The following MRPL38 variants were observed in gnomAD, a reference collection of about 807,000 sequenced individuals.
MRPL38 encodes the protein large ribosomal subunit protein mL38.
Under a neutral mutation model 52.1 loss-of-function variants are expected in MRPL38, and 51 were observed. That is an observed-to-expected ratio of 0.98 (90% CI 0.78 to 1.24). The LOEUF is 1.24. Ranked by LOEUF, MRPL38 falls within the 50% of genes most tolerant of loss-of-function variation. MRPL38 has a pLI of 0.00. For missense variants in MRPL38, 527 were observed against 518.6 expected (o/e 1.02, Z -0.16); for synonymous variants, 245 against 212.7 (o/e 1.15, Z -1.32).
In MRPL38 at chr17:75,901,272, G is replaced by A. The variant is rs1240243463; in HGVS notation, c.593C>T (p.Ala198Val). 1 of 1,613,002 alleles carries A rather than the reference G, an allele frequency of 6.2e-7. No homozygotes were observed. Among genetic ancestry groups the A allele is most frequent in the South Asian group, 1.1e-5 (1 of 90,826 alleles). Residue 198 changes from alanine (A) to valine (V), a missense_variant and splice_region_variant, in exon 5 of 9, where the codon GCT becomes GTT. Physicochemically the swap from Ala to Val is moderately conservative, Grantham distance 64. Coordinates refer to ENST00000309352, the MANE Select transcript of MRPL38 (RefSeq NM_032478.4). The surrounding 1 kb of genome is among the most constrained non-coding windows in gnomAD (Gnocchi z 5.7). The part of the protein sequence containing the change: ...YCGNEVTPTE[A>V]AQAPEVTYEA... ...ATAGGTCACCTCTGGCGCTTGGGCAGCCTGGCAGGGTGAGAAGGAAGCTGT... is the reference window on the plus strand; with the variant it reads ...ATAGGTCACCTCTGGCGCTTGGGCAACCTGGCAGGGTGAGAAGGAAGCTGT...
rs199904131 is a variant in MRPL38 at position 75,901,228 on chromosome 17, A to G, written c.637T>C (p.Leu213=). The G allele has an allele frequency of 8.4e-4, 1,355 of 1,613,662 alleles. 14 individuals are homozygous for G. The East Asian group carries it at 8.8e-3, about 10-fold the overall frequency. Residue 213 remains leucine (L), a synonymous_variant, in exon 5 of 9, where the codon TTG becomes CTG. Coordinates refer to ENST00000309352, the MANE Select transcript of MRPL38 (RefSeq NM_032478.4). This position sits in a 1 kb window ranked among gnomAD's most constrained non-coding sequence, Gnocchi z 5.7. The stretch of plus-strand genomic sequence containing the variant: ...AAGCTAGTGAGTAGCAACGTCCACA[A>G]GGAGCCCTCTTCTGCCTCATAGGTC... The part of the protein sequence containing the change: ...EVTYEAEEGS[L]WTLLLTSLDG...
Position 75,901,303 on chromosome 17 carries a change from C to T in MRPL38, c.592-30G>A, listed in dbSNP as rs1347413497. ...CAGGGTGAGAAGGAAGCTGTCAGCC[C>T]CACCAGGGACAGGCCAGCTGTTGCA... On this transcript the variant is annotated intron_variant, in intron 4 of 8. Coordinates refer to ENST00000309352, the MANE Select transcript of MRPL38 (RefSeq NM_032478.4). This position sits in a 1 kb window ranked among gnomAD's most constrained non-coding sequence, Gnocchi z 5.7. 14 of 1,607,392 alleles carry T rather than the reference C, an allele frequency of 8.7e-6. No individual in the cohort carries two copies. Among genetic ancestry groups the T allele is most frequent in the Non-Finnish European group, 1.1e-5 (13 of 1,176,314 alleles).
intron 1 of MRPL38, 39 bp downstream of exon 1, chr17:75,904,770 G>GGGGGGCCGCCCCCCC: frequency 2.0e-6 from 1 of 500,008 alleles, no homozygotes; most frequent in Non-Finnish European, 2.8e-6. Context: ...TCGGGCGACA[G>GGGGGGCCGCCCCCCC]CCCCCCCCCC....
In MRPL38 at chr17:75,899,149, G is replaced by A. The variant is rs377617119; in HGVS notation, c.1006+9C>T. 1.4e-5 allele frequency: 23 copies of A among 1,597,814 alleles called. No individual in the cohort carries two copies. The African/African-American group carries it at 1.7e-4, about 12-fold the overall frequency. On this transcript the variant is annotated intron_variant, in intron 8 of 8. Transcript: ENST00000309352. ...GGCCCACCCAGTGCCCCAGCCCCATGGCCCTTACCCAGAAGCTGGTGGAAG... is the reference window on the plus strand; with the variant it reads ...GGCCCACCCAGTGCCCCAGCCCCATAGCCCTTACCCAGAAGCTGGTGGAAG...
chr17:75,904,567 A>G lies in MRPL38; in HGVS notation c.220T>C (p.Tyr74His). Residue 74 changes from tyrosine (Y) to histidine (H), a missense_variant, in exon 2 of 9, where the codon TAC becomes CAC. Tyr to His is a moderately conservative substitution (Grantham distance 83, BLOSUM62 2). Transcript: ENST00000309352. ...EAQAPHWWRT[Y>H]REYFGEKTDP... ...GTCTTCTCCCCGAAATACTCTCGGT[A>G]GGTCCGCCACCAGTGCGGGGCCTGC... 6.4e-7 allele frequency: 1 copy of G among 1,570,582 alleles called. No homozygotes were observed. The highest frequency in any genetic ancestry group is 1.9e-5 in the Admixed American group (1 of 52,030).
rs1190941876 is a variant in MRPL38 at position 75,904,649 on chromosome 17, C to T, written c.138G>A (p.Glu46=). 3 of 1,598,308 alleles carry T rather than the reference C, an allele frequency of 1.9e-6. No individual in the cohort carries two copies. The highest frequency in any genetic ancestry group is 2.2e-5 in the East Asian group (1 of 44,802). ...PNSDIDLSNL[E]RLEKYRSFDR... is the part of the protein sequence containing the mutation. ...CGAAGCTCCGGTACTTCTCCAGCCG[C>T]TCCAGGTTGCTCAAGTCGATGTCAC... The change falls in exon 2 of 9, where the codon GAG becomes GAA. Residue 46 remains glutamate, a synonymous_variant. Transcript: ENST00000309352.
chr17:75,904,770 G>GGGCCCCCCCCCCCCC, intron 1 of MRPL38, 39 bp downstream of exon 1: 1 of 500,006 alleles, frequency 2.0e-6, no homozygotes, highest in African/African-American at 5.2e-5. Context: ...TCGGGCGACA[G>GGGCCCCCCCCCCCCC]CCCCCCCCCC....
At chr17:75,903,448 GC>G (rs1769340675) in intron 2 of MRPL38, among the ~76,000 whole-genome samples, 4 of 152,086 alleles carry the variant, frequency 2.6e-5, no homozygotes, top group Admixed American at 1.3e-4. Flanking sequence ...AACATACTGA[GC>G]CCTCATCAGA....
chr17:75,901,955 TG>T lies in MRPL38; in HGVS notation c.383-36del, dbSNP rs369805971. ...AATAAGGCCAGTTGGGATACGGGGG[TG>T]GGGGGGGCAGGGACACACCCTGTAC... On this transcript the variant is annotated intron_variant, in intron 3 of 8. Coordinates refer to ENST00000309352, the MANE Select transcript of MRPL38 (RefSeq NM_032478.4). The surrounding 1 kb of genome is among the most constrained non-coding windows in gnomAD (Gnocchi z 5.7). 8.2e-5 allele frequency: 50 copies of T among 608,790 alleles called. No individual in the cohort carries two copies. In the Middle Eastern group the frequency reaches 8.7e-4, roughly 11 times the overall value. 37.7% of individuals were successfully genotyped at this position (608,790 alleles called of 1,614,324 possible).
Position 75,901,144 on chromosome 17 carries a change from GC to G in MRPL38, c.664+56del. On this transcript the variant is annotated intron_variant, in intron 5 of 8. Transcript: ENST00000309352. This position sits in a 1 kb window ranked among gnomAD's most constrained non-coding sequence, Gnocchi z 5.7. Reference sequence around the variant, plus strand: ...CTGGCCCCTCCCCCAGCCCCCCAGGGCCCTGGCTCATAGGAGGTGAGCGGGG... The same window carrying G: ...CTGGCCCCTCCCCCAGCCCCCCAGGGCCTGGCTCATAGGAGGTGAGCGGGG... 6.2e-7 allele frequency: 1 copy of G among 1,606,058 alleles called. No homozygotes were observed. Among genetic ancestry groups the G allele is most frequent in the South Asian group, 1.1e-5 (1 of 89,716 alleles).
At position 75,899,685 on chromosome 17, in the gene MRPL38, GAA is replaced by G; in HGVS notation, c.711-13_711-12del. ...CCCGGGATGTTGGTTCTGGGAGGAG[GAA>G]AGTCCCGGTTAATTACCACTCCAGG... is the stretch of plus-strand genomic sequence containing the variant. On this transcript the variant is annotated splice_polypyrimidine_tract_variant and intron_variant, in intron 6 of 8. Coordinates refer to ENST00000309352, the MANE Select transcript of MRPL38 (RefSeq NM_032478.4). 6.5e-7 allele frequency: 1 copy of G among 1,549,646 alleles called. No individual in the cohort carries two copies. The highest frequency in any genetic ancestry group is 8.7e-7 in the Non-Finnish European group (1 of 1,144,376).
At chr17:75,902,432 G>C (rs1425462549) in intron 2 of MRPL38, 11 of 443,508 alleles carry the variant, frequency 2.5e-5, no homozygotes, top group Admixed American at 3.9e-5. Flanking sequence ...AAATCTGAGA[G>C]ATGGGATCTC....
intron 1 of MRPL38, 41 bp downstream of exon 1, chr17:75,904,768 C>CCGGGGGGGG: frequency 1.6e-5 from 17 of 1,056,270 alleles, no homozygotes; most frequent in Non-Finnish European, 2.1e-5. Flanking sequence ...GCTCGGGCGA[C>CCGGGGGGGG]AGCCCCCCCC....
At position 75,899,545 on chromosome 17, in the gene MRPL38, G is replaced by T; in HGVS notation, c.840C>A (p.Asp280Glu). The change falls in exon 7 of 9, where the codon GAC becomes GAA. Residue 280 changes from aspartate to glutamate, a missense_variant. Asp to Glu is a conservative substitution (Grantham distance 45). Transcript: ENST00000309352. ...GTGAGGGGCGTGCGTCCTCAGAGAA[G>T]TCAATCGGCTGGTCCTGCTTGAAGA... ...FLLFKQDQPI[D>E]FSEDARPSPC... is the part of the protein sequence containing the mutation. The T allele has an allele frequency of 3.7e-6, 6 of 1,602,328 alleles. No homozygotes were observed. The highest frequency in any genetic ancestry group is 5.1e-6 in the Non-Finnish European group (6 of 1,172,232).
chr17:75,901,312 A>C lies in MRPL38; in HGVS notation c.592-39T>G. The C allele has an allele frequency of 6.2e-7, 1 of 1,600,868 alleles. No individual in the cohort carries two copies. Among genetic ancestry groups the C allele is most frequent in the Non-Finnish European group, 8.5e-7 (1 of 1,171,422 alleles). On this transcript the variant is annotated intron_variant, in intron 4 of 8. Coordinates refer to ENST00000309352, the MANE Select transcript of MRPL38 (RefSeq NM_032478.4). The surrounding 1 kb of genome is among the most constrained non-coding windows in gnomAD (Gnocchi z 5.7). ...AAGGAAGCTGTCAGCCCCACCAGGG[A>C]CAGGCCAGCTGTTGCAGGGAGCCTT...
intron 6 of MRPL38, chr17:75,899,929 C>T (rs1487766689): frequency 9.8e-6 from 3 of 306,902 alleles, no homozygotes; most frequent in Non-Finnish European, 1.8e-5. Flanking sequence ...GCCATGCAGC[C>T]GCTTCCAGGC....
intron 2 of MRPL38, 57 bp from the exon 3 acceptor site, chr17:75,902,211 T>G: frequency 1.3e-6 from 2 of 1,523,218 alleles, no homozygotes; most frequent in Non-Finnish European, 1.8e-6. Context: ...AGCCTTAACC[T>G]CCCCAACTCA....
Position 75,898,647 on chromosome 17 carries a change from G to A in MRPL38, c.*203C>T, listed in dbSNP as rs150490575. The stretch of plus-strand genomic sequence containing the variant: ...ATTACAGGTGTGAGCCACCAAGCCC[G>A]GCAAGAAATCATGTTTATTCACATT... On this transcript the variant is annotated 3_prime_UTR_variant, in exon 9 of 9. Transcript: ENST00000309352. 880 of 600,454 alleles carry A rather than the reference G, an allele frequency of 1.5e-3. 2 individuals are homozygous for A. The highest frequency in any genetic ancestry group is 8.0e-3 in the Middle Eastern group (17 of 2,138). The allele number at this position is 600,454 out of a possible 1,614,324, so 37.2% of individuals were successfully genotyped here.
chr17:75,901,400 C>T lies in MRPL38; in HGVS notation c.592-127G>A. The T allele has an allele frequency of 2.2e-6, 2 of 914,762 alleles. No individual in the cohort carries two copies. The highest frequency in any genetic ancestry group is 2.9e-5 in the South Asian group (2 of 69,478). The allele number at this position is 914,762 out of a possible 1,614,324, so 56.7% of individuals were successfully genotyped here. On this transcript the variant is annotated intron_variant, in intron 4 of 8. Transcript: ENST00000309352. The surrounding 1 kb of genome is among the most constrained non-coding windows in gnomAD (Gnocchi z 5.7). ...ACAACCCCTGGCACAGGCAGGCAGG[C>T]AAAGGGATGCGTAGAGAAGCAGCCC...
Sources: allele counts gnomAD v4.1 joint callset (sites outside exome capture counted in the v4.1 genomes callset), GRCh38; gene constraint gnomAD v4.1.1; non-coding constraint Gnocchi (gnomAD v3.1); transcripts MANE v1.5; gene names NCBI Gene and HGNC (gene_info 2026-07-23, HGNC 2026-07-21).